Variants in ISX observed in about 807,000 individuals in gnomAD.
ISX encodes intestine-specific homeobox.
A neutral mutation model predicts 16.9 loss-of-function variants in ISX; 15 were observed. The observed-to-expected ratio is 0.89, with a 90% CI of 0.59 to 1.36. The LOEUF (loss-of-function observed/expected upper bound fraction) is 1.36. ISX is among the 40% of genes most tolerant of loss of function. The probability of loss-of-function intolerance (pLI) is 0.00; values close to 1 mark genes in which losing one functional copy is unlikely to be tolerated. For synonymous variants in ISX, 125 were observed against 119.7 expected, an observed-to-expected ratio of 1.04 and a Z score of -0.29; for missense variants, 316 against 306.1, an observed-to-expected ratio of 1.03 and a Z score of -0.24.
intron 2 of ISX, among the ~76,000 whole-genome samples, chr22:35,072,040 A>C (rs1158941205): frequency 6.6e-6 from 1 of 152,224 alleles, no homozygotes; most frequent in Non-Finnish European, 1.5e-5. Flanking sequence ...AGGAGCTCCC[A>C]TCAGAGCAGA....
chr22:35,068,544 T>C lies in ISX; in HGVS notation c.229+1228T>C, dbSNP rs199552249. ...TTAAAGATTCATAGGAACATTTCCATTGGGGTCCTGAGTCTCTCCTCCTGC... is the reference window on the plus strand; with the variant it reads ...TTAAAGATTCATAGGAACATTTCCACTGGGGTCCTGAGTCTCTCCTCCTGC... On this transcript the variant is annotated intron_variant, in intron 2 of 4. Coordinates refer to ENST00000404699, the MANE Select transcript of ISX (RefSeq NM_001303508.2). Among the ~76,000 whole-genome samples the C allele has an allele frequency of 2.6e-5, 4 of 152,346 alleles. No homozygotes were observed. In the East Asian group the frequency reaches 5.8e-4, roughly 22 times the overall value.
intron 2 of ISX, among the ~76,000 whole-genome samples, chr22:35,081,444 T>C (rs1929121824): frequency 6.6e-6 from 1 of 152,194 alleles, no homozygotes; most frequent in Admixed American, 6.5e-5. Context: ...TCTTGAAATC[T>C]TAGTAATTGC....
At chr22:35,072,492 CA>C (rs1347679916) in intron 2 of ISX, among the ~76,000 whole-genome samples, 1 of 152,130 alleles carries the variant, frequency 6.6e-6, no homozygotes, top group Non-Finnish European at 1.5e-5. Context: ...TAGAATTATC[CA>C]AAGATTTGAT....
Position 35,072,855 on chromosome 22 carries a change from T to C in ISX, c.229+5539T>C, listed in dbSNP as rs144558692. On this transcript the variant is annotated intron_variant, in intron 2 of 4. Transcript: ENST00000404699. ...GGAATTTGGGAGTAACTTAACTGGG[T>C]GGTTCTGGCTCAGGGTCCCTCATAA... Among the ~76,000 whole-genome samples the C allele has an allele frequency of 1.4e-3, 220 of 152,278 alleles. 1 individual carries two copies. Among genetic ancestry groups the C allele is most frequent in the African/African-American group, 5.1e-3 (211 of 41,558 alleles).
Position 35,085,567 on chromosome 22 carries a change from C to G in ISX, c.612C>G (p.Leu204=). ...SAWFPAWITL[L]PAHPWETQPV... ...GGTTCCCTGCCTGGATCACCCTCCT[C>G]CCAGCGCACCCATGGGAAACACAGC... is the stretch of plus-strand genomic sequence containing the variant. The change falls in exon 5 of 5, where the codon CTC becomes CTG. Residue 204 remains leucine (L), a synonymous_variant. Transcript: ENST00000404699. 1 of 1,614,244 alleles carries G rather than the reference C, an allele frequency of 6.2e-7. No homozygotes were observed. The highest frequency in any genetic ancestry group is 8.5e-7 in the Non-Finnish European group (1 of 1,180,048).
At chr22:35,082,492 C>A (rs1343069578) in intron 2 of ISX, 26 bp from the exon 3 acceptor site, 1 of 1,610,642 alleles carries the variant, frequency 6.2e-7, no homozygotes, top group Admixed American at 1.7e-5. Context: ...AGGCCACTGA[C>A]ACAACTTGGA....
chr22:35,080,437 AACACAC>A (rs576097324), intron 2 of ISX, among the ~76,000 whole-genome samples: 1 of 150,846 alleles, frequency 6.6e-6, no homozygotes, highest in Non-Finnish European at 1.5e-5. Flanking sequence ...CAAACACATG[AACACAC>A]ACACACACAC....
intron 2 of ISX, among the ~76,000 whole-genome samples, chr22:35,079,815 A>C (rs1929081302): frequency 6.6e-6 from 1 of 152,212 alleles, no homozygotes; most frequent in Non-Finnish European, 1.5e-5. Context: ...ACACAGGGAC[A>C]ATCTGCAGTC....
Position 35,085,611 on chromosome 22 carries a change from T to A in ISX, c.656T>A (p.Ile219Asn). The part of the protein sequence containing the change: ...WETQPVPGLP[I>N]HQTCIPVLCI... ...ACACAGCCTGTCCCAGGTCTTCCCA[T>A]CCATCAAACTTGCATCCCTGTGCTA... The change falls in exon 5 of 5, where the codon ATC becomes AAC. Residue 219 changes from isoleucine (I) to asparagine (N), a missense_variant. Transcript: ENST00000404699. 1 of 1,614,212 alleles carries A rather than the reference T, an allele frequency of 6.2e-7. No individual in the cohort carries two copies. Among genetic ancestry groups the A allele is most frequent in the South Asian group, 1.1e-5 (1 of 91,084 alleles).
At chr22:35,071,200 C>T (rs1928845243) in intron 2 of ISX, among the ~76,000 whole-genome samples, 1 of 152,204 alleles carries the variant, frequency 6.6e-6, no homozygotes, top group Non-Finnish European at 1.5e-5. Context: ...CCTTTAAATG[C>T]TTTGGTGTCT....
chr22:35,085,716 A>G lies in ISX; in HGVS notation c.*23A>G. On this transcript the variant is annotated 3_prime_UTR_variant, in exon 5 of 5. Coordinates refer to ENST00000404699, the MANE Select transcript of ISX (RefSeq NM_001303508.2). ...TAGAGATTGGACATGCTCTCCCCAA[A>G]TGAGCCACTTTCCTCTCCAGGTGAA... 6.2e-7 allele frequency: 1 copy of G among 1,613,810 alleles called. No homozygotes were observed. Among genetic ancestry groups the G allele is most frequent in the South Asian group, 1.1e-5 (1 of 91,072 alleles).
At chr22:35,079,869 T>G (rs1929082301) in intron 2 of ISX, among the ~76,000 whole-genome samples, 1 of 152,156 alleles carries the variant, frequency 6.6e-6, no homozygotes, top group South Asian at 2.1e-4. Context: ...AAGTCCATGG[T>G]CAGGTAAACA....
At chr22:35,067,788 A>G (rs1928742003) in intron 2 of ISX, among the ~76,000 whole-genome samples, 1 of 152,216 alleles carries the variant, frequency 6.6e-6, no homozygotes, top group South Asian at 2.1e-4. Flanking sequence ...TGGGCCCAGC[A>G]CAGTCTCCTC....
chr22:35,078,758 G>C (rs1417610782), intron 2 of ISX, among the ~76,000 whole-genome samples: 1 of 152,244 alleles, frequency 6.6e-6, no homozygotes, highest in African/African-American at 2.4e-5. Context: ...TACAACTGAG[G>C]CAACCGGGCC....
rs1431403148 is a variant in ISX, at chr22:35,085,559, A to G, written c.604A>G (p.Thr202Ala). ...LASAWFPAWI[T>A]LLPAHPWETQ... ...CTCTGCCTGGTTCCCTGCCTGGATC[A>G]CCCTCCTCCCAGCGCACCCATGGGA... The change falls in exon 5 of 5, where the codon ACC becomes GCC. Residue 202 changes from threonine (T) to alanine (A), a missense_variant. Coordinates refer to ENST00000404699, the MANE Select transcript of ISX (RefSeq NM_001303508.2). 3.1e-6 allele frequency: 5 copies of G among 1,613,782 alleles called. No individual in the cohort carries two copies. Among genetic ancestry groups the G allele is most frequent in the African/African-American group, 2.7e-5 (2 of 74,924 alleles).
chr22:35,079,549 G>C (rs1929073503), intron 2 of ISX, among the ~76,000 whole-genome samples: 1 of 152,200 alleles, frequency 6.6e-6, no homozygotes, highest in Admixed American at 6.5e-5. Flanking sequence ...ACAGCCTAGA[G>C]ATGGATGACA....
chr22:35,085,410 C>G (rs745627691), intron 4 of ISX, 44 bp from the exon 5 acceptor site: 2 of 1,609,624 alleles, frequency 1.2e-6, no homozygotes, highest in South Asian at 2.2e-5. Context: ...GCTGCAGAGA[C>G]AGCTTAGGAC....
intron 4 of ISX, 21 bp downstream of exon 4, chr22:35,084,520 G>A (rs866947518): frequency 6.6e-7 from 1 of 1,521,556 alleles, no homozygotes; most frequent in Non-Finnish European, 9.1e-7. Context: ...GAGGCCTCAA[G>A]GTAGGGTGGA....
chr22:35,085,562 C>T lies in ISX; in HGVS notation c.607C>T (p.Leu203Phe), dbSNP rs1044979163. ...ASAWFPAWIT[L>F]LPAHPWETQP... ...TGCCTGGTTCCCTGCCTGGATCACC[C>T]TCCTCCCAGCGCACCCATGGGAAAC... Residue 203 changes from leucine (L) to phenylalanine (F), a missense_variant, in exon 5 of 5, where the codon CTC (leucine) becomes TTC (phenylalanine). Leu to Phe is a conservative substitution (Grantham distance 22). Transcript: ENST00000404699. 2.5e-6 allele frequency: 4 copies of T among 1,614,250 alleles called. No homozygotes were observed. Among genetic ancestry groups the T allele is most frequent in the Non-Finnish European group, 3.4e-6 (4 of 1,180,058 alleles).
Sources: gnomAD v4.1 joint callset for allele counts (sites outside exome capture counted in the v4.1 genomes callset) on GRCh38, gnomAD v4.1.1 for gene constraint, MANE v1.5 for transcripts, NCBI Gene and HGNC (gene_info 2026-07-23, HGNC 2026-07-21) for gene names.